EGFR: variants seen among roughly 807,000 people sequenced by gnomAD.
The protein encoded by EGFR is avian erythroblastic leukemia viral (v-erb-b) oncogene homolog.
EGFR carries 58 observed loss-of-function variants against 143.0 expected under a neutral mutation model. The observed-to-expected ratio is 0.41, with a 90% CI of 0.33 to 0.50. The LOEUF is 0.50. EGFR is among the 20% of genes least tolerant of loss of function. The pLI is 0.39. For synonymous variants in EGFR, 613 were observed against 594.4 expected (o/e 1.03, Z -0.45); for missense variants, 1,307 against 1,579.0 (o/e 0.83, Z 2.92).
In EGFR at chr7:55,210,032, G is replaced by GCT. The variant is rs1788201990; in HGVS notation, c.*4415_*4416insCT. ...TTTTTATATTTAGGAAATTTTAAAA[G>GCT]ATGATGGAAAGCACATTTAGCTTGG... On this transcript the variant is annotated 3_prime_UTR_variant, in exon 28 of 28. Transcript: ENST00000275493. 1 of 152,148 alleles carries GCT rather than the reference G, an allele frequency of 6.6e-6. No homozygotes were observed. Among genetic ancestry groups the GCT allele is most frequent in the Non-Finnish European group, 1.5e-5 (1 of 68,038 alleles). The allele number at this position is 152,148 out of a possible 1,614,324, so 9.4% of individuals were successfully genotyped here. A position where few individuals can be genotyped will look rare whatever the true frequency, so the allele number is the denominator to read the frequency against.
intron 1 of EGFR, among the ~76,000 whole-genome samples, chr7:55,034,383 G>A (rs146762249): frequency 2.5e-4 from 38 of 152,214 alleles, no homozygotes; most frequent in Middle Eastern, 6.8e-3. Flanking sequence ...ACAGGTGCCC[G>A]CCACCACACC....
chr7:55,113,531 C>T (rs1188378893), intron 1 of EGFR, among the ~76,000 whole-genome samples: 1 of 152,156 alleles, frequency 6.6e-6, no homozygotes, highest in Non-Finnish European at 1.5e-5. Context: ...CCCCCACAGA[C>T]AAGTAAACCA....
At chr7:55,181,664 C>T in intron 20 of EGFR, 186 bp downstream of exon 20, 1 of 702,830 alleles carries the variant, frequency 1.4e-6, no homozygotes, top group Non-Finnish European at 2.4e-6. Flanking sequence ...GTGCCTGTCC[C>T]ATCTGCATGT....
chr7:55,151,884 C>T (rs557607018), intron 5 of EGFR, among the ~76,000 whole-genome samples: 36 of 152,086 alleles, frequency 2.4e-4, no homozygotes, highest in Non-Finnish European at 3.1e-4. Context: ...AAAACAACAA[C>T]AACAACAACA....
chr7:55,055,716 A>G (rs1015773656), intron 1 of EGFR, among the ~76,000 whole-genome samples: 3 of 65,006 alleles, frequency 4.6e-5, no homozygotes, highest in Admixed American at 1.8e-4. Context: ...ACACACACAC[A>G]CACACACCAC....
intron 1 of EGFR, among the ~76,000 whole-genome samples, chr7:55,141,026 G>A (rs1794427346): frequency 6.6e-6 from 1 of 152,160 alleles, no homozygotes; most frequent in South Asian, 2.1e-4. Context: ...AAATAGAAAT[G>A]CACATGTAAA....
chr7:55,147,057 G>T (rs750902608), intron 4 of EGFR, among the ~76,000 whole-genome samples: 2 of 152,192 alleles, frequency 1.3e-5, no homozygotes, highest in Non-Finnish European at 2.9e-5. Context: ...CTCCTAGCCT[G>T]CCCTGCTGAC....
intron 12 of EGFR, 33 bp from the exon 13 acceptor site, chr7:55,161,466 C>T (rs1401488441): frequency 6.2e-7 from 1 of 1,607,778 alleles, no homozygotes; most frequent in Non-Finnish European, 8.5e-7. Context: ...CCTGCTCTGT[C>T]ACTGACTGCT....
intron 20 of EGFR, 127 bp from the exon 21 acceptor site, chr7:55,191,592 C>T (rs1166192754): frequency 9.7e-6 from 12 of 1,230,820 alleles, no homozygotes; most frequent in South Asian, 6.3e-5. Flanking sequence ...TAGTCACTAA[C>T]GTTCGCCAGC....
rs928895106 is a variant in EGFR, at chr7:55,165,534, T to C, written c.1880+97T>C. 3.6e-5 allele frequency: 53 copies of C among 1,490,882 alleles called. No individual in the cohort carries two copies. The Admixed American group carries it at 1.1e-3, about 31-fold the overall frequency. 92.4% of individuals were successfully genotyped at this position (1,490,882 alleles called of 1,614,324 possible). A position where few individuals can be genotyped will look rare whatever the true frequency, so the allele number is the denominator to read the frequency against. On this transcript the variant is annotated intron_variant, in intron 15 of 27. Transcript: ENST00000275493. ...TTTTCCGGCAACAAATTGCCGAGGT[T>C]TGTATTTGAGTCAGTTACTTAAGGT... is the stretch of plus-strand genomic sequence containing the variant.
chr7:55,036,222 C>T (rs577863753), intron 1 of EGFR, among the ~76,000 whole-genome samples: 5 of 118,932 alleles, frequency 4.2e-5, no homozygotes, highest in African/African-American at 1.7e-4. Context: ...CTTACATGAG[C>T]TAAGTTTATA....
intron 1 of EGFR, among the ~76,000 whole-genome samples, chr7:55,083,070 C>G (rs779605624): frequency 1.3e-5 from 2 of 152,232 alleles, no homozygotes; most frequent in Non-Finnish European, 2.9e-5. Context: ...TCAGGGCCCA[C>G]TCTATACCAG....
intron 11 of EGFR, among the ~76,000 whole-genome samples, chr7:55,159,880 C>T (rs891830022): frequency 8.5e-5 from 13 of 152,114 alleles, no homozygotes; most frequent in Admixed American, 2.6e-4. Context: ...AATATAATGA[C>T]ATTAAGGCAT....
intron 3 of EGFR, among the ~76,000 whole-genome samples, chr7:55,145,104 G>A (rs958614016): frequency 6.6e-6 from 1 of 152,154 alleles, no homozygotes; most frequent in Non-Finnish European, 1.5e-5. Context: ...ACCGGGAAGC[G>A]GCTCCTGCAG....
chr7:55,161,710 C>A (rs1785714720), intron 13 of EGFR, 79 bp downstream of exon 13: 1 of 1,607,680 alleles, frequency 6.2e-7, no homozygotes, highest in Non-Finnish European at 8.5e-7. Flanking sequence ...TACAGGCATT[C>A]TGTTTGATTT....
At chr7:55,043,084 G>A (rs1047274840) in intron 1 of EGFR, among the ~76,000 whole-genome samples, 1 of 152,116 alleles carries the variant, frequency 6.6e-6, no homozygotes, top group South Asian at 2.1e-4. Flanking sequence ...TCAAGGCACT[G>A]CTCTCAATGT....
At chr7:55,156,699 A>T (rs2128938548) in intron 9 of EGFR, 40 bp downstream of exon 9, 1 of 1,614,188 alleles carries the variant, frequency 6.2e-7, no homozygotes, top group Non-Finnish European at 8.5e-7. Context: ...AGAAAAACAA[A>T]ATCTGCCTTT....
At chr7:55,110,149 T>G (rs1484391421) in intron 1 of EGFR, among the ~76,000 whole-genome samples, 1 of 152,078 alleles carries the variant, frequency 6.6e-6, no homozygotes, top group Non-Finnish European at 1.5e-5. Context: ...TTTAGAAAAT[T>G]TACCTTATTT....
chr7:55,110,005 A>C, intron 1 of EGFR: 3 of 929,528 alleles, frequency 3.2e-6, no homozygotes, highest in Non-Finnish European at 3.9e-6. Context: ...GTGAGAGATA[A>C]CAGCATAAAC....
Sources: allele counts gnomAD v4.1 joint callset (sites outside exome capture counted in the v4.1 genomes callset), GRCh38; gene constraint gnomAD v4.1.1; transcripts MANE v1.5; gene names NCBI Gene and HGNC (gene_info 2026-07-23, HGNC 2026-07-21).